Variants in TCF7 observed in about 807,000 individuals in gnomAD.
The protein encoded by TCF7 is transcription factor 7.
In TCF7, 19 loss-of-function variants were observed where a neutral mutation model predicts 46.8. That is an observed-to-expected ratio of 0.41 (90% CI 0.28 to 0.60). TCF7 has a LOEUF of 0.60. Ranked by LOEUF, TCF7 falls within the 20% of genes least tolerant of loss-of-function variation. TCF7 has a pLI of 0.35. For synonymous variants in TCF7, 245 were observed against 213.4 expected (o/e 1.15, Z -1.29); for missense variants, 547 against 504.6 (o/e 1.08, Z -0.81).
intron 9 of TCF7, chr5:134,144,897 C>A (rs116236240): frequency 2.5e-6 from 4 of 1,605,058 alleles, no homozygotes; most frequent in Admixed American, 3.3e-5. Flanking sequence ...ATCGTTCTCC[C>A]TTTGCTTTAA....
At chr5:134,138,678 C>T in intron 4 of TCF7, 1 of 435,588 alleles carries the variant, frequency 2.3e-6, no homozygotes, top group Non-Finnish European at 4.1e-6. Flanking sequence ...CAGAGATGCC[C>T]CAATGCCTCC....
At chr5:134,115,832 T>C (rs1371452110) in intron 2 of TCF7, 77 bp from the exon 3 acceptor site, 7 of 1,596,232 alleles carry the variant, frequency 4.4e-6, no homozygotes, top group Non-Finnish European at 6.0e-6. Flanking sequence ...GCAATTCTTT[T>C]TCTCTCAAGA....
chr5:134,145,919 G>A lies in TCF7; in HGVS notation c.1076-305G>A, dbSNP rs17654002. The A allele has an allele frequency of 6.2e-5, 94 of 1,516,158 alleles. 1 individual carries two copies. The highest frequency in any genetic ancestry group is 4.7e-4 in the Admixed American group (22 of 47,236). The allele number at this position is 1,516,158 out of a possible 1,614,324, so 93.9% of individuals were successfully genotyped here. On this transcript the variant is annotated intron_variant, in intron 9 of 9. Transcript: ENST00000342854. ...ACACATCTGGAGAAGCTCAAAGGCC[G>A]GGACTGGGAGATGACTCCCTTGGAA...
chr5:134,115,472 C>G, intron 2 of TCF7, 85 bp downstream of exon 2: 1 of 1,516,278 alleles, frequency 6.6e-7, no homozygotes, highest in East Asian at 2.5e-5. Flanking sequence ...CCGCGGGGAG[C>G]CGGGTGCCTC....
intron 3 of TCF7, chr5:134,123,696 G>A (rs954804966): frequency 4.4e-6 from 2 of 456,166 alleles, no homozygotes; most frequent in African/African-American, 4.0e-5. Flanking sequence ...TGGTGCTGGG[G>A]CAGCGCTGGT....
chr5:134,115,567 C>T, intron 2 of TCF7, 180 bp downstream of exon 2: 1 of 1,442,950 alleles, frequency 6.9e-7, no homozygotes, highest in South Asian at 1.5e-5. Flanking sequence ...CGAGTCACTT[C>T]CGGTGCCCTG....
chr5:134,144,706 C>A (rs1303496653), intron 9 of TCF7: 4 of 971,348 alleles, frequency 4.1e-6, no homozygotes, highest in Middle Eastern at 4.5e-4. Context: ...CTGGCTAACA[C>A]TGATGTTACC....
intron 5 of TCF7, chr5:134,139,717 T>G (rs544987162): frequency 6.6e-6 from 1 of 152,440 alleles, no homozygotes; most frequent in East Asian, 1.9e-4. Flanking sequence ...GCTGCGCAGG[T>G]CTCTAGCCTA....
At chr5:134,145,605 G>A in intron 9 of TCF7, 1 of 869,942 alleles carries the variant, frequency 1.1e-6, no homozygotes, top group South Asian at 1.6e-5. Flanking sequence ...CACTTGTCCA[G>A]CCTCTCAGTG....
Position 134,138,138 on chromosome 5 carries a change from C to T in TCF7, c.521C>T (p.Ala174Val). The change falls in exon 4 of 10, where the codon GCA (alanine) becomes GTA (valine). Residue 174 changes from alanine (A) to valine (V), a missense_variant. Physicochemically the swap from Ala to Val is moderately conservative, Grantham distance 64 (BLOSUM62 0). Transcript: ENST00000342854. ...TTCAACAGCCCACATCCCACCCCTG[C>T]ACCTGCGGACATCAGCCAGAAGCAA... Reference protein sequence around the residue: ...EHFNSPHPTPAPADISQKQVH... With the variant: ...EHFNSPHPTPVPADISQKQVH... 6.2e-7 allele frequency: 1 copy of T among 1,613,736 alleles called. No homozygotes were observed. The highest frequency in any genetic ancestry group is 8.5e-7 in the Non-Finnish European group (1 of 1,179,806).
intron 3 of TCF7, among the ~76,000 whole-genome samples, chr5:134,130,573 C>G (rs1757979778): frequency 6.6e-6 from 1 of 152,168 alleles, no homozygotes; most frequent in Non-Finnish European, 1.5e-5. Context: ...CACAAATGCC[C>G]CATGTGAATT....
At chr5:134,124,450 T>A (rs1473597412) in intron 3 of TCF7, among the ~76,000 whole-genome samples, 1 of 152,148 alleles carries the variant, frequency 6.6e-6, no homozygotes, top group Non-Finnish European at 1.5e-5. Context: ...GTAGAGGGTC[T>A]CTGTCCCTTG....
In TCF7 at chr5:134,129,973, C is replaced by T. The variant is rs563876870; in HGVS notation, c.442-8086C>T. Among the ~76,000 whole-genome samples the T allele has an allele frequency of 1.4e-4, 21 of 152,346 alleles. No individual in the cohort carries two copies. The East Asian group carries it at 3.7e-3, about 27-fold the overall frequency. On this transcript the variant is annotated intron_variant, in intron 3 of 9. Transcript: ENST00000342854. Reference sequence around the variant, plus strand: ...CCACCCCTTCCAGCTCAGGTGGCCACGCATCCACACTCTGTGCTTTTCTGT... The same window carrying T: ...CCACCCCTTCCAGCTCAGGTGGCCATGCATCCACACTCTGTGCTTTTCTGT...
Position 134,142,713 on chromosome 5 carries a change from C to G in TCF7, c.756-8C>G. ...GGCTCCTGAACAATCTGGATTTGTG[C>G]CCCTCAGGAAGACACAAGCAGAGTC... On this transcript the variant is annotated splice_region_variant and splice_polypyrimidine_tract_variant and intron_variant, in intron 6 of 9. Coordinates refer to ENST00000342854, the MANE Select transcript of TCF7 (RefSeq NM_003202.5). 1 of 1,613,310 alleles carries G rather than the reference C, an allele frequency of 6.2e-7. No homozygotes were observed. The highest frequency in any genetic ancestry group is 8.5e-7 in the Non-Finnish European group (1 of 1,179,630).
At chr5:134,118,943 G>A (rs1177127198) in intron 3 of TCF7, among the ~76,000 whole-genome samples, 2 of 152,126 alleles carry the variant, frequency 1.3e-5, no homozygotes, top group Non-Finnish European at 2.9e-5. Flanking sequence ...TACAATGCCC[G>A]GCTAAGTTTG....
At chr5:134,144,579 C>T (rs529042347) in intron 9 of TCF7, 16 of 559,226 alleles carry the variant, frequency 2.9e-5, no homozygotes, top group African/African-American at 1.1e-4. Context: ...GCCTCTACTG[C>T]GTACCTGGGT....
intron 3 of TCF7, among the ~76,000 whole-genome samples, chr5:134,134,761 C>T (rs1172375278): frequency 2.0e-5 from 3 of 152,158 alleles, no homozygotes; most frequent in Admixed American, 2.0e-4. Flanking sequence ...AATAAAAGGT[C>T]AGTGAAAAGG....
chr5:134,115,618 C>G, intron 2 of TCF7: 1 of 1,431,474 alleles, frequency 7.0e-7, no homozygotes, highest in Non-Finnish European at 9.1e-7. Flanking sequence ...TCCCCGCCTC[C>G]CCTCCTGCCC....
chr5:134,138,036 C>T, intron 3 of TCF7, 23 bp from the exon 4 acceptor site: 1 of 1,556,268 alleles, frequency 6.4e-7, no homozygotes, highest in Non-Finnish European at 8.8e-7. Context: ...CCACACTCAC[C>T]CACCCTCCTT....
Sources: gnomAD v4.1 joint callset for allele counts (sites outside exome capture counted in the v4.1 genomes callset) on GRCh38, gnomAD v4.1.1 for gene constraint, MANE v1.5 for transcripts, NCBI Gene and HGNC (gene_info 2026-07-23, HGNC 2026-07-21) for gene names.